Variants in ZNF785 observed in about 807,000 individuals in gnomAD.
ZNF785 encodes zinc finger protein 785.
Under a neutral mutation model 11.3 loss-of-function variants are expected in ZNF785, and 15 were observed. The observed-to-expected ratio is 1.32, with a 90% CI of 0.89 to 2.04. ZNF785 has a LOEUF of 2.04. ZNF785 is among the 30% of genes most tolerant of loss of function. The pLI is 0.00. For missense variants in ZNF785, 572 were observed against 560.9 expected (o/e 1.02, Z -0.20); for synonymous variants, 221 against 231.0 (o/e 0.96, Z 0.39).
At position 30,585,647 on chromosome 16, in the gene ZNF785, G is replaced by A. The variant is rs1275237114; in HGVS notation, c.-36C>T. 6.2e-6 allele frequency: 9 copies of A among 1,450,980 alleles called. No homozygotes were observed. The highest frequency in any genetic ancestry group is 7.2e-6 in the Non-Finnish European group (8 of 1,109,818). The allele number at this position is 1,450,980 out of a possible 1,614,324, so 89.9% of individuals were successfully genotyped here. On this transcript the variant is annotated 5_prime_UTR_variant, in exon 1 of 3. Transcript: ENST00000395216. The surrounding 1 kb of genome is among the most constrained non-coding windows in gnomAD (Gnocchi z 4.0). Reference sequence around the variant, plus strand: ...TTCTGCCTGGCAAAGGGAGGCTTCCGGGGAAGGTGGAGATGCTGGCGCTTT... The same window carrying A: ...TTCTGCCTGGCAAAGGGAGGCTTCCAGGGAAGGTGGAGATGCTGGCGCTTT...
intron 2 of ZNF785, chr16:30,583,984 A>C (rs1163111334): frequency 1.3e-5 from 2 of 152,156 alleles, no homozygotes; most frequent in Admixed American, 6.6e-5. Context: ...TGTCTGTACT[A>C]AATTACAAAA....
intron 2 of ZNF785, among the ~76,000 whole-genome samples, chr16:30,584,184 C>T (rs1055826114): frequency 4.6e-5 from 7 of 152,120 alleles, no homozygotes; most frequent in South Asian, 2.1e-4. Flanking sequence ...CAATATTGAA[C>T]GCTTAACTCT....
chr16:30,579,370 C>A (rs1056125237), downstream of ZNF785: 8 of 163,468 alleles, frequency 4.9e-5, no homozygotes, highest in Non-Finnish European at 1.1e-4. Flanking sequence ...GTAAAGATAA[C>A]ACCCCGTTCC....
chr16:30,583,322 G>T lies in ZNF785; in HGVS notation c.456C>A (p.Asn152Lys). The T allele has an allele frequency of 3.7e-6, 6 of 1,613,992 alleles. No homozygotes were observed. Among genetic ancestry groups the T allele is most frequent in the Non-Finnish European group, 5.1e-6 (6 of 1,179,888 alleles). The change falls in exon 3 of 3, where the codon AAC becomes AAA. Residue 152 changes from asparagine (N) to lysine (K), a missense_variant. By Grantham distance (94) the Asn-to-Lys change is moderately conservative. Coordinates refer to ENST00000395216, the MANE Select transcript of ZNF785 (RefSeq NM_152458.7). Reference protein sequence around the residue: ...WPSVACPEFCNPRQSPMNPWL... With the variant: ...WPSVACPEFCKPRQSPMNPWL... The stretch of plus-strand genomic sequence containing the variant: ...AGGGATTCATGGGGCTCTGCCTAGG[G>T]TTGCAGAACTCTGGGCAGGCGACGC...
intron 2 of ZNF785, chr16:30,583,713 C>T (rs1409162392): frequency 2.9e-5 from 10 of 343,418 alleles, no homozygotes; most frequent in Middle Eastern, 7.8e-4. Flanking sequence ...GGAGTCGGGC[C>T]GGGTGCCATG....
Position 30,582,843 on chromosome 16 carries a change from TA to T in ZNF785, c.934del (p.Tyr312ThrfsTer118), listed in dbSNP as rs772111277. 28 of 1,611,152 alleles carry T rather than the reference TA, an allele frequency of 1.7e-5. No homozygotes were observed. Among genetic ancestry groups the T allele is most frequent in the Non-Finnish European group, 2.3e-5 (27 of 1,178,526 alleles). ...GCGGCGGCCGCAGTCAGGACAGGGG[TA>T]GGGCTTCTCGCCGGTGTGTATGCGC... Reference protein sequence around the residue: ...HRRIHTGEKPYPCPDCGRRFT... With the variant: ...HRRIHTGEKPXPCPDCGRRFT... On this transcript the variant is annotated frameshift_variant, in exon 3 of 3. Coordinates refer to ENST00000395216, the MANE Select transcript of ZNF785 (RefSeq NM_152458.7). LOFTEE classifies it low-confidence loss of function (END_TRUNC).
At position 30,583,345 on chromosome 16, in the gene ZNF785, C is replaced by T. The variant is rs754574174; in HGVS notation, c.433G>A (p.Val145Ile). ...GGGTTGCAGAACTCTGGGCAGGCGA[C>T]GCTGGGCCACCACTCCTTGACAGCC... ...EVAVKEWWPSVACPEFCNPRQ... is the reference protein window; with the variant it reads ...EVAVKEWWPSIACPEFCNPRQ... Residue 145 changes from valine to isoleucine, a missense_variant, in exon 3 of 3, where the codon GTC (valine) becomes ATC (isoleucine). Physicochemically the swap from Val to Ile is conservative, Grantham distance 29. Coordinates refer to ENST00000395216, the MANE Select transcript of ZNF785 (RefSeq NM_152458.7). 12 of 1,613,702 alleles carry T rather than the reference C, an allele frequency of 7.4e-6. No individual in the cohort carries two copies. The highest frequency in any genetic ancestry group is 1.0e-5 in the Non-Finnish European group (12 of 1,179,732).
In ZNF785 at chr16:30,585,426, G is replaced by A. The variant is rs984176560; in HGVS notation, c.186C>T (p.Phe62=). The A allele has an allele frequency of 1.0e-5, 16 of 1,594,640 alleles. No individual in the cohort carries two copies. Among genetic ancestry groups the A allele is most frequent in the Non-Finnish European group, 1.3e-5 (15 of 1,171,694 alleles). ...ALYRDVMRET[F]GHLGALGFSV... ...CCTCACCCAGCGCGCCCAGGTGGCC[G>A]AAGGTCTCCCGCATCACGTCCCGGT... Residue 62 remains phenylalanine, a synonymous_variant, in exon 1 of 3, where the codon TTC becomes TTT. Transcript: ENST00000395216. The surrounding 1 kb of genome is among the most constrained non-coding windows in gnomAD (Gnocchi z 4.0).
Position 30,585,484 on chromosome 16 carries a change from C to G in ZNF785, c.128G>C (p.Trp43Ser). The G allele has an allele frequency of 6.2e-7, 1 of 1,603,476 alleles. No homozygotes were observed. The highest frequency in any genetic ancestry group is 8.5e-7 in the Non-Finnish European group (1 of 1,175,670). Residue 43 changes from tryptophan to serine, a missense_variant, in exon 1 of 3, where the codon TGG becomes TCG. Physicochemically the swap from Trp to Ser is radical, Grantham distance 177. Coordinates refer to ENST00000395216, the MANE Select transcript of ZNF785 (RefSeq NM_152458.7). The surrounding 1 kb of genome is among the most constrained non-coding windows in gnomAD (Gnocchi z 4.0). ...DVAVYFSPEE[W>S]ECLRPAQRAL... ...CCTCTGCGCTGGCCGCAGGCATTCC[C>G]ACTCCTCGGGAGAGAAGTACACGGC...
At position 30,581,321 on chromosome 16, in the gene ZNF785, G is replaced by C. The variant is rs936867754; in HGVS notation, c.*1239C>G. 6.6e-6 allele frequency: 1 copy of C among 151,944 alleles called. No individual in the cohort carries two copies. The highest frequency in any genetic ancestry group is 2.4e-5 in the African/African-American group (1 of 41,362). 9.4% of individuals were successfully genotyped at this position (151,944 alleles called of 1,614,324 possible). A position where few individuals can be genotyped will look rare whatever the true frequency, so the allele number is the denominator to read the frequency against. On this transcript the variant is annotated 3_prime_UTR_variant, in exon 3 of 3. Coordinates refer to ENST00000395216, the MANE Select transcript of ZNF785 (RefSeq NM_152458.7). Reference sequence around the variant, plus strand: ...TAAAAATACAAAATATTAGTTGGGCGTGGTGGCGGGTGCTTGTAATTCCAG... The same window carrying C: ...TAAAAATACAAAATATTAGTTGGGCCTGGTGGCGGGTGCTTGTAATTCCAG...
At position 30,585,215 on chromosome 16, in the gene ZNF785, C is replaced by A; in HGVS notation, c.241G>T (p.Val81Leu). The A allele has an allele frequency of 1.9e-6, 3 of 1,614,168 alleles. No individual in the cohort carries two copies. The highest frequency in any genetic ancestry group is 2.5e-6 in the Non-Finnish European group (3 of 1,180,010). Residue 81 changes from valine to leucine, a missense_variant, in exon 2 of 3, where the codon GTG becomes TTG. Coordinates refer to ENST00000395216, the MANE Select transcript of ZNF785 (RefSeq NM_152458.7). The surrounding 1 kb of genome is among the most constrained non-coding windows in gnomAD (Gnocchi z 4.0). Reference protein sequence around the residue: ...SVPKPAFISWVEGEVEAWSPE... With the variant: ...SVPKPAFISWLEGEVEAWSPE... ...CTCCACGCCTCCACTTCTCCTTCCA[C>A]CCACGAGATAAAAGCGGGTTTGGGA...
chr16:30,582,054 C>T lies in ZNF785; in HGVS notation c.*506G>A. 6.4e-6 allele frequency: 1 copy of T among 156,146 alleles called. No homozygotes were observed. Among genetic ancestry groups the T allele is most frequent in the Non-Finnish European group, 1.4e-5 (1 of 71,014 alleles). The allele number at this position is 156,146 out of a possible 1,614,324, so 9.7% of individuals were successfully genotyped here. A position where few individuals can be genotyped will look rare whatever the true frequency, so the allele number is the denominator to read the frequency against. On this transcript the variant is annotated 3_prime_UTR_variant, in exon 3 of 3. Transcript: ENST00000395216. ...GAGCCGAGATCACGCCACTGCACTC[C>T]AGCCTGGGCGACAGAGCATGACTCC...
intron 2 of ZNF785, 86 bp from the exon 3 acceptor site, chr16:30,583,529 G>A (rs951733007): frequency 8.0e-6 from 12 of 1,496,300 alleles, no homozygotes; most frequent in Admixed American, 2.3e-5. Context: ...AGCATATTCC[G>A]GGACCATGTC....
At position 30,582,254 on chromosome 16, in the gene ZNF785, A is replaced by T; in HGVS notation, c.*306T>A. On this transcript the variant is annotated 3_prime_UTR_variant, in exon 3 of 3. Transcript: ENST00000395216. ...AGGAGTAGGAGAGATACAGGCCAAA[A>T]AGCAGAGAGCTACAAGGGAGAGAAC... The T allele has an allele frequency of 2.6e-6, 1 of 388,584 alleles. No homozygotes were observed. Among genetic ancestry groups the T allele is most frequent in the Non-Finnish European group, 4.7e-6 (1 of 211,570 alleles). The allele number at this position is 388,584 out of a possible 1,614,324, so 24.1% of individuals were successfully genotyped here. A position where few individuals can be genotyped will look rare whatever the true frequency, so the allele number is the denominator to read the frequency against.
In ZNF785 at chr16:30,585,341, C is replaced by A; in HGVS notation, c.205+66G>T. 1 of 1,576,920 alleles carries A rather than the reference C, an allele frequency of 6.3e-7. No individual in the cohort carries two copies. The highest frequency in any genetic ancestry group is 8.6e-7 in the Non-Finnish European group (1 of 1,164,010). ...CGCCCCGCTTCCAGCCCACTAGCCT[C>A]TGGGGACACCGATCACCGCTTCCCA... On this transcript the variant is annotated intron_variant, in intron 1 of 2. Transcript: ENST00000395216. The surrounding 1 kb of genome is among the most constrained non-coding windows in gnomAD (Gnocchi z 4.0).
chr16:30,583,480 C>T, intron 2 of ZNF785, 37 bp from the exon 3 acceptor site: 1 of 1,517,940 alleles, frequency 6.6e-7, no homozygotes, highest in Non-Finnish European at 8.8e-7. Context: ...GAAACTCATC[C>T]CTGGATCCTG....
In ZNF785 at chr16:30,585,145, C is replaced by G. The variant is rs761839104; in HGVS notation, c.311G>C (p.Ser104Thr). 1.2e-6 allele frequency: 2 copies of G among 1,613,340 alleles called. No homozygotes were observed. The highest frequency in any genetic ancestry group is 1.7e-5 in the Admixed American group (1 of 59,918). ...ACCTGCTTCCTGTCCTTGGCCCCTG[C>G]TGAAAGCTGCAGAGCTCTCACCGTC... ...DPDGESSAAF[S>T]RGQGQEAGSR... Residue 104 changes from serine to threonine, a missense_variant, in exon 2 of 3, where the codon AGC becomes ACC. Ser to Thr is a moderately conservative substitution (Grantham distance 58). Transcript: ENST00000395216. The surrounding 1 kb of genome is among the most constrained non-coding windows in gnomAD (Gnocchi z 4.0).
rs921090479 is a variant in ZNF785, at chr16:30,582,234, T to C, written c.*326A>G. On this transcript the variant is annotated 3_prime_UTR_variant, in exon 3 of 3. Coordinates refer to ENST00000395216, the MANE Select transcript of ZNF785 (RefSeq NM_152458.7). Reference sequence around the variant, plus strand: ...TGTAGGGGACCCCATCTCAGAGGAGTAGGAGAGATACAGGCCAAAAAGCAG... The same window carrying C: ...TGTAGGGGACCCCATCTCAGAGGAGCAGGAGAGATACAGGCCAAAAAGCAG... The C allele has an allele frequency of 3.1e-6, 1 of 326,832 alleles. No individual in the cohort carries two copies. 20.2% of individuals were successfully genotyped at this position (326,832 alleles called of 1,614,324 possible).
chr16:30,579,523 G>A (rs781062203), downstream of ZNF785: 8 of 258,976 alleles, frequency 3.1e-5, no homozygotes, highest in Non-Finnish European at 6.3e-5. Flanking sequence ...GAGTAGCTGG[G>A]ACTACAGGCA....
Sources: allele counts gnomAD v4.1 joint callset (sites outside exome capture counted in the v4.1 genomes callset), GRCh38; gene constraint gnomAD v4.1.1; non-coding constraint Gnocchi (gnomAD v3.1); transcripts MANE v1.5; gene names NCBI Gene and HGNC (gene_info 2026-07-23, HGNC 2026-07-21).